ALK: variants seen among roughly 807,000 people sequenced by gnomAD.
ALK encodes ALK tyrosine kinase receptor.
ALK carries 74 observed loss-of-function variants against 163.1 expected under a neutral mutation model. That is an observed-to-expected ratio of 0.45 (90% CI 0.38 to 0.55). ALK has a LOEUF of 0.55. Among genes scored for constraint, ALK ranks in the 20% least tolerant of loss-of-function variants. The pLI, the probability that ALK is intolerant of heterozygous loss-of-function variation, is 0.00. For missense variants in ALK, 2,063 were observed against 2,105.3 expected, an observed-to-expected ratio of 0.98 and a Z score of 0.39; for synonymous variants, 960 against 843.2, an observed-to-expected ratio of 1.14 and a Z score of -2.40.
rs1667953792 is a variant in ALK at position 29,920,222 on chromosome 2, G to A, written c.438C>T (p.Gly146=). The A allele has an allele frequency of 6.2e-7, 1 of 1,612,366 alleles. No individual in the cohort carries two copies. The highest frequency in any genetic ancestry group is 8.5e-7 in the Non-Finnish European group (1 of 1,179,678). ...RRAKQLVLEL[G]EEAILEGCVG... Reference sequence around the variant, plus strand: ...CGCAACCCTCCAAGATCGCCTCCTCGCCCAGCTCCAGCACCAACTGCTTGG... The same window carrying A: ...CGCAACCCTCCAAGATCGCCTCCTCACCCAGCTCCAGCACCAACTGCTTGG... Residue 146 remains glycine, a synonymous_variant, in exon 1 of 29, where the codon GGC becomes GGT. Transcript: ENST00000389048.
chr2:29,260,778 G>A (rs576679704), intron 11 of ALK, among the ~76,000 whole-genome samples: 3 of 152,010 alleles, frequency 2.0e-5, no homozygotes, highest in South Asian at 2.1e-4. Context: ...AGGTTGCAGC[G>A]AGCTCAGATC....
At chr2:29,634,150 G>A (rs532412139) in intron 3 of ALK, among the ~76,000 whole-genome samples, 32 of 151,490 alleles carry the variant, frequency 2.1e-4, no homozygotes, top group African/African-American at 7.5e-4. Context: ...CCAGGCTGGA[G>A]TGCAGTGGTG....
At position 29,612,895 on chromosome 2, in the gene ALK, A is replaced by G. The variant is rs558650289; in HGVS notation, c.953-80779T>C. ...CTTCGGAATTTTAGAGTTCCAGACTACATAACACCTTCAGAACAATTCCAG... is the reference window on the plus strand; with the variant it reads ...CTTCGGAATTTTAGAGTTCCAGACTGCATAACACCTTCAGAACAATTCCAG... On this transcript the variant is annotated intron_variant, in intron 3 of 28. Coordinates refer to ENST00000389048, the MANE Select transcript of ALK (RefSeq NM_004304.5). Among the ~76,000 whole-genome samples the G allele has an allele frequency of 3.9e-5, 6 of 152,298 alleles. No homozygotes were observed. The East Asian group carries it at 9.6e-4, about 24-fold the overall frequency.
At chr2:29,544,448 T>A (rs1673495067) in intron 3 of ALK, among the ~76,000 whole-genome samples, 1 of 152,090 alleles carries the variant, frequency 6.6e-6, no homozygotes, top group African/African-American at 2.4e-5. Context: ...TTTCCCAAAC[T>A]CCTTTGTGCA....
intron 9 of ALK, among the ~76,000 whole-genome samples, chr2:29,292,044 GGT>G (rs1666038231): frequency 6.6e-6 from 1 of 152,192 alleles, no homozygotes; most frequent in Non-Finnish European, 1.5e-5. Context: ...AAGATGCATT[GGT>G]GAAACACACC....
intron 4 of ALK, among the ~76,000 whole-genome samples, chr2:29,419,034 G>A (rs929086161): frequency 6.6e-6 from 1 of 151,274 alleles, no homozygotes; most frequent in African/African-American, 2.5e-5. Flanking sequence ...GGAAGACAAG[G>A]TATTTTATTT....
chr2:29,194,138 T>C (rs1180776110), intron 28 of ALK, among the ~76,000 whole-genome samples: 1 of 151,800 alleles, frequency 6.6e-6, no homozygotes, highest in Non-Finnish European at 1.5e-5. Context: ...ATAATGGAAG[T>C]GTGTATGGGT....
intron 1 of ALK, among the ~76,000 whole-genome samples, chr2:29,799,818 G>A (rs1664419013): frequency 6.6e-6 from 1 of 152,144 alleles, no homozygotes; most frequent in Non-Finnish European, 1.5e-5. Flanking sequence ...CTGTAATATT[G>A]TATTGTCATC....
intron 11 of ALK, among the ~76,000 whole-genome samples, chr2:29,274,742 T>C (rs1665489260): frequency 6.6e-6 from 1 of 152,364 alleles, no homozygotes; most frequent in Non-Finnish European, 1.5e-5. Context: ...GCCCTCTTTA[T>C]AAGGAGGAGA....
At chr2:29,654,951 C>T (rs544511224) in intron 3 of ALK, among the ~76,000 whole-genome samples, 73 of 152,198 alleles carry the variant, frequency 4.8e-4, no homozygotes, top group Admixed American at 2.4e-3. Context: ...GACGAACTGG[C>T]TGCTTCTGTC....
chr2:29,796,444 T>C (rs1343100645), intron 1 of ALK, among the ~76,000 whole-genome samples: 1 of 152,178 alleles, frequency 6.6e-6, no homozygotes. Context: ...GACCTGCATC[T>C]GAACAAATGG....
At chr2:29,881,090 G>A (rs1184436955) in intron 1 of ALK, among the ~76,000 whole-genome samples, 2 of 152,160 alleles carry the variant, frequency 1.3e-5, no homozygotes, top group South Asian at 2.1e-4. Context: ...GTAGTCTCAC[G>A]GACAACCAGC....
intron 4 of ALK, among the ~76,000 whole-genome samples, chr2:29,490,232 C>T (rs1387761832): frequency 6.6e-6 from 1 of 152,238 alleles, no homozygotes; most frequent in Non-Finnish European, 1.5e-5. Context: ...AGCAGCCCAG[C>T]AGGGTCATAT....
At chr2:29,838,325 T>C (rs540651388) in intron 1 of ALK, among the ~76,000 whole-genome samples, 48 of 152,256 alleles carry the variant, frequency 3.2e-4, no homozygotes, top group African/African-American at 1.1e-3. Flanking sequence ...GTTGATTATT[T>C]TCCCCAAATT....
At chr2:29,359,245 G>T (rs1272890531) in intron 5 of ALK, among the ~76,000 whole-genome samples, 1 of 152,264 alleles carries the variant, frequency 6.6e-6, no homozygotes, top group East Asian at 1.9e-4. Context: ...CCTGGATGGA[G>T]TCAAGGTTTG....
chr2:29,660,170 G>A (rs1573534989), intron 3 of ALK, among the ~76,000 whole-genome samples: 1 of 152,160 alleles, frequency 6.6e-6, no homozygotes, highest in African/African-American at 2.4e-5. Flanking sequence ...CAGTCCCTCT[G>A]TCCAGCATGG....
intron 5 of ALK, among the ~76,000 whole-genome samples, chr2:29,356,970 C>T (rs1018258044): frequency 9.9e-5 from 15 of 152,204 alleles, no homozygotes; most frequent in Non-Finnish European, 2.2e-4. Context: ...AAGTCCCACC[C>T]TCTGGGGCTT....
intron 11 of ALK, among the ~76,000 whole-genome samples, chr2:29,264,588 A>G (rs7572971): frequency 0.99 from 150,336 of 152,370 alleles, 74,208 homozygotes; most frequent in East Asian, 1. Flanking sequence ...CTAAAACAGC[A>G]CTAGTCACAG....
chr2:29,386,143 C>A (rs903357069), intron 4 of ALK, among the ~76,000 whole-genome samples: 1 of 152,192 alleles, frequency 6.6e-6, no homozygotes, highest in Non-Finnish European at 1.5e-5. Context: ...CTCTGGCATG[C>A]GGTGGGTGTC....
Sources: allele counts gnomAD v4.1 joint callset (sites outside exome capture counted in the v4.1 genomes callset), GRCh38; gene constraint gnomAD v4.1.1; transcripts MANE v1.5; gene names NCBI Gene and HGNC (gene_info 2026-07-23, HGNC 2026-07-21).